SETD3: variants seen among roughly 807,000 people sequenced by gnomAD.
The protein encoded by SETD3 is actin-histidine N-methyltransferase.
In SETD3, 19 loss-of-function variants were observed where a neutral mutation model predicts 63.0. That is an observed-to-expected ratio of 0.30 (90% confidence interval 0.21 to 0.44). SETD3 has a LOEUF of 0.44. SETD3 is among the 20% of genes least tolerant of loss of function. The pLI is 1.00. For synonymous variants in SETD3, 286 were observed against 264.1 expected, an observed-to-expected ratio of 1.08 and a Z score of -0.80; for missense variants, 587 against 728.5, an observed-to-expected ratio of 0.81 and a Z score of 2.24.
At chr14:99,427,551 C>T (rs949160209) in intron 6 of SETD3, among the ~76,000 whole-genome samples, 3 of 152,088 alleles carry the variant, frequency 2.0e-5, no homozygotes, top group African/African-American at 4.8e-5. Context: ...TTATAGAAAA[C>T]GATAAAGGAG....
intron 6 of SETD3, among the ~76,000 whole-genome samples, chr14:99,434,303 T>C (rs1009756021): frequency 1.3e-5 from 2 of 150,762 alleles, no homozygotes; most frequent in African/African-American, 4.9e-5. Context: ...GACCAAGGAG[T>C]CCCTACTGCA....
At chr14:99,480,547 G>A (rs566025261) in intron 1 of SETD3, among the ~76,000 whole-genome samples, 181 bp downstream of exon 1, 1 of 150,906 alleles carries the variant, frequency 6.6e-6, no homozygotes, top group Non-Finnish European at 1.5e-5. Flanking sequence ...GCCCCCGAGC[G>A]CACACCTGCC....
At position 99,440,217 on chromosome 14, in the gene SETD3, T is replaced by C. The variant is rs193080632; in HGVS notation, c.675+18062A>G. ...TAAATAAAAATAAACACAGTATCCATGCTATGTTCTCTATTACTAATTTTT... is the reference window on the plus strand; with the variant it reads ...TAAATAAAAATAAACACAGTATCCACGCTATGTTCTCTATTACTAATTTTT... On this transcript the variant is annotated intron_variant, in intron 6 of 12. Transcript: ENST00000331768. Among the ~76,000 whole-genome samples, 25 of 152,350 alleles carry C rather than the reference T, an allele frequency of 1.6e-4. 2 individuals carry two copies. The East Asian group carries it at 2.9e-3, about 18-fold the overall frequency.
At chr14:99,419,227 T>C (rs143672535) in intron 6 of SETD3, among the ~76,000 whole-genome samples, 272 of 152,296 alleles carry the variant, frequency 1.8e-3, no homozygotes, top group African/African-American at 6.4e-3. Context: ...TTTAAATACA[T>C]CAATACACAC....
intron 5 of SETD3, 122 bp from the exon 6 acceptor site, chr14:99,458,657 G>A: frequency 7.8e-7 from 1 of 1,274,972 alleles, no homozygotes; most frequent in Non-Finnish European, 1.1e-6. Flanking sequence ...TCAGGTACAG[G>A]CTGGGCGCAG....
Position 99,399,008 on chromosome 14 carries a change from G to A in SETD3, c.1456C>T (p.Arg486Trp), listed in dbSNP as rs529236070. Residue 486 changes from arginine (R) to tryptophan (W), a missense_variant, in exon 13 of 13, where the codon CGG becomes TGG. Physicochemically the swap from Arg to Trp is moderately radical, Grantham distance 101. Transcript: ENST00000331768. ...EKAVKSAAVN[R>W]EYYRQQMEEK... ...TCCATCTGTTGGCGATAGTATTCCC[G>A]GTTGACAGCTGCACTCTTTACTGCT... 17 of 1,614,106 alleles carry A rather than the reference G, an allele frequency of 1.1e-5. No individual in the cohort carries two copies. Among genetic ancestry groups the A allele is most frequent in the South Asian group, 5.5e-5 (5 of 91,078 alleles).
chr14:99,448,812 G>A (rs1367101000), intron 6 of SETD3, among the ~76,000 whole-genome samples: 5 of 152,180 alleles, frequency 3.3e-5, no homozygotes, highest in Non-Finnish European at 7.3e-5. Flanking sequence ...TGAAACTGAG[G>A]TCAGGAAAAT....
intron 6 of SETD3, among the ~76,000 whole-genome samples, chr14:99,429,792 C>A (rs1310307545): frequency 1.3e-5 from 2 of 152,202 alleles, no homozygotes; most frequent in Non-Finnish European, 2.9e-5. Context: ...CCATCTGAAT[C>A]TTTTTAAGTC....
Position 99,459,297 on chromosome 14 carries a change from T to C in SETD3, c.346-112A>G, listed in dbSNP as rs529447043. 178 of 605,764 alleles carry C rather than the reference T, an allele frequency of 2.9e-4. No individual in the cohort carries two copies. The East Asian group carries it at 4.5e-3, about 15-fold the overall frequency. 37.5% of individuals were successfully genotyped at this position (605,764 alleles called of 1,614,324 possible). On this transcript the variant is annotated intron_variant, in intron 4 of 12. Transcript: ENST00000331768. The stretch of plus-strand genomic sequence containing the variant: ...ACATGAAGTACAACTTAAGGCTGCA[T>C]ATCAGCACTTCAAATAAATATTCAA...
chr14:99,452,176 G>A (rs1202320470), intron 6 of SETD3, among the ~76,000 whole-genome samples: 3 of 151,996 alleles, frequency 2.0e-5, no homozygotes, highest in South Asian at 2.1e-4. Flanking sequence ...GCACGATCTC[G>A]GCTCACTGCA....
At chr14:99,414,065 G>A (rs1892152650) in intron 6 of SETD3, 131 bp from the exon 7 acceptor site, 2 of 782,414 alleles carry the variant, frequency 2.6e-6, no homozygotes, top group Admixed American at 4.3e-5. Flanking sequence ...GCGGCGTCCA[G>A]CCGCGCTACA....
intron 6 of SETD3, among the ~76,000 whole-genome samples, chr14:99,424,360 G>C (rs148023575): frequency 1.6e-4 from 25 of 152,358 alleles, no homozygotes; most frequent in African/African-American, 5.8e-4. Context: ...GGAACGTGGG[G>C]AGGATGAGGG....
At chr14:99,410,197 C>A (rs1344763906) in intron 8 of SETD3, 2 of 1,613,262 alleles carry the variant, frequency 1.2e-6, no homozygotes, top group African/African-American at 2.7e-5. Context: ...ACAGCAAGAG[C>A]GAAGGAATCT....
intron 6 of SETD3, among the ~76,000 whole-genome samples, chr14:99,435,255 T>C (rs1193370853): frequency 1.3e-5 from 2 of 152,194 alleles, no homozygotes; most frequent in Non-Finnish European, 2.9e-5. Context: ...AGCTATATTT[T>C]TTTAGGTAGT....
chr14:99,466,203 CT>C (rs1895363007), intron 1 of SETD3, among the ~76,000 whole-genome samples: 1 of 152,234 alleles, frequency 6.6e-6, no homozygotes, highest in Non-Finnish European at 1.5e-5. Context: ...TCTCTCCCCA[CT>C]TTGCCTTAAA....
At chr14:99,419,497 C>T (rs897953643) in intron 6 of SETD3, among the ~76,000 whole-genome samples, 5 of 152,108 alleles carry the variant, frequency 3.3e-5, no homozygotes, top group Admixed American at 6.5e-5. Context: ...TTTTTATGGC[C>T]GGGCGCGGTG....
At chr14:99,454,253 G>A (rs975412653) in intron 6 of SETD3, among the ~76,000 whole-genome samples, 6 of 151,844 alleles carry the variant, frequency 4.0e-5, no homozygotes, top group African/African-American at 1.5e-4. Context: ...GCAGTGGTGT[G>A]ACCATAGATC....
At chr14:99,452,070 G>A (rs1463777164) in intron 6 of SETD3, among the ~76,000 whole-genome samples, 1 of 152,186 alleles carries the variant, frequency 6.6e-6, no homozygotes, top group African/African-American at 2.4e-5. Flanking sequence ...ATACACACGA[G>A]TTAGAGCAGG....
intron 1 of SETD3, among the ~76,000 whole-genome samples, chr14:99,473,937 A>T (rs1819768889): frequency 6.6e-6 from 1 of 152,248 alleles, no homozygotes; most frequent in South Asian, 2.1e-4. Flanking sequence ...GGCTTTGCAC[A>T]GTAGCAGGGC....
Sources: gnomAD v4.1 joint callset for allele counts (sites outside exome capture counted in the v4.1 genomes callset) on GRCh38, gnomAD v4.1.1 for gene constraint, MANE v1.5 for transcripts, NCBI Gene and HGNC (gene_info 2026-07-23, HGNC 2026-07-21) for gene names.